The following PTPN12 variants were observed in gnomAD, a reference collection of about 807,000 sequenced individuals.
PTPN12 encodes tyrosine-protein phosphatase non-receptor type 12.
Under a neutral mutation model 97.6 loss-of-function variants are expected in PTPN12, and 29 were observed. The ratio of observed to expected loss-of-function variants is 0.30; its 90% CI spans 0.22 to 0.41. The LOEUF (loss-of-function observed/expected upper bound fraction) is 0.41. Among genes scored for constraint, PTPN12 ranks in the 10% least tolerant of loss-of-function variants. The pLI, the probability that PTPN12 is intolerant of heterozygous loss-of-function variation, is 1.00. For synonymous variants in PTPN12, 327 were observed against 300.4 expected, an observed-to-expected ratio of 1.09 and a Z score of -0.91; for missense variants, 819 against 926.0, an observed-to-expected ratio of 0.88 and a Z score of 1.50.
At chr7:77,571,543 A>G (rs767589575) in intron 2 of PTPN12, among the ~76,000 whole-genome samples, 2 of 152,212 alleles carry the variant, frequency 1.3e-5, no homozygotes, top group African/African-American at 4.8e-5. Context: ...GATTTTTCAT[A>G]TATCTATACA....
At chr7:77,600,086 A>G (rs905504295) in intron 7 of PTPN12, among the ~76,000 whole-genome samples, 8 of 152,196 alleles carry the variant, frequency 5.3e-5, no homozygotes, top group Non-Finnish European at 1.2e-4. Flanking sequence ...GACTCCCTCA[A>G]AAGGGTTGAG....
At chr7:77,549,582 G>GTT (rs561689618) in intron 1 of PTPN12, among the ~76,000 whole-genome samples, 3 of 138,584 alleles carry the variant, frequency 2.2e-5, no homozygotes, top group Non-Finnish European at 4.8e-5. Flanking sequence ...TTGTTTGTTT[G>GTT]TTTTTTTTTT....
intron 8 of PTPN12, among the ~76,000 whole-genome samples, chr7:77,603,318 G>T (rs993148262): frequency 6.6e-6 from 1 of 152,144 alleles, no homozygotes; most frequent in Non-Finnish European, 1.5e-5. Flanking sequence ...TAAATTGACC[G>T]TTAAATATTT....
chr7:77,612,040 A>T (rs1788587685), intron 11 of PTPN12, among the ~76,000 whole-genome samples: 1 of 146,628 alleles, frequency 6.8e-6, no homozygotes, highest in East Asian at 2.0e-4. Context: ...TATGATAACT[A>T]TTACATTGTT....
chr7:77,574,670 T>C (rs1787280482), intron 2 of PTPN12, among the ~76,000 whole-genome samples: 1 of 152,092 alleles, frequency 6.6e-6, no homozygotes, highest in Non-Finnish European at 1.5e-5. Context: ...AACAAAGACT[T>C]CTCGCCAAAA....
chr7:77,577,231 CT>C (rs1230674582), intron 2 of PTPN12, among the ~76,000 whole-genome samples: 1 of 152,130 alleles, frequency 6.6e-6, no homozygotes, highest in Non-Finnish European at 1.5e-5. Flanking sequence ...AGAGCCTTGG[CT>C]TTTAAATCAG....
rs755018327 is a variant in PTPN12 at position 77,627,174 on chromosome 7, A to C, written c.1495A>C (p.Ser499Arg). Residue 499 changes from serine to arginine, a missense_variant, in exon 13 of 18, where the codon AGT becomes CGT. Ser to Arg is a moderately radical substitution (Grantham distance 110). Coordinates refer to ENST00000248594, the MANE Select transcript of PTPN12 (RefSeq NM_002835.4). ...TTCCCAGAATTCTTGTGTGGACTGC[A>C]GTGTAACACAATCAAACAAAGTTTC... ...DTSQNSCVDC[S>R]VTQSNKVSVT... 29 of 1,614,216 alleles carry C rather than the reference A, an allele frequency of 1.8e-5. No individual in the cohort carries two copies. The South Asian group carries it at 3.2e-4, about 18-fold the overall frequency.
chr7:77,618,073 A>G (rs960582307), intron 11 of PTPN12, among the ~76,000 whole-genome samples: 1 of 152,098 alleles, frequency 6.6e-6, no homozygotes, highest in Non-Finnish European at 1.5e-5. Flanking sequence ...AAGATACTCC[A>G]TTACTTGGTA....
chr7:77,581,134 G>T (rs1321364774), intron 2 of PTPN12, among the ~76,000 whole-genome samples: 1 of 151,998 alleles, frequency 6.6e-6, no homozygotes, highest in Non-Finnish European at 1.5e-5. Context: ...GTGCAGTGGC[G>T]CAATCTTGGC....
intron 8 of PTPN12, among the ~76,000 whole-genome samples, chr7:77,605,963 T>C (rs969929693): frequency 1.4e-5 from 2 of 141,518 alleles, no homozygotes; most frequent in South Asian, 4.7e-4. Flanking sequence ...TTTTTTTTTT[T>C]TTTTTTTTGA....
At chr7:77,575,508 A>G (rs925981655) in intron 2 of PTPN12, among the ~76,000 whole-genome samples, 1 of 152,182 alleles carries the variant, frequency 6.6e-6, no homozygotes. Context: ...ACTGTCTCAA[A>G]AAATAAGATG....
intron 16 of PTPN12, among the ~76,000 whole-genome samples, chr7:77,637,552 A>G (rs546801644): frequency 6.6e-6 from 1 of 152,276 alleles, no homozygotes; most frequent in East Asian, 1.9e-4. Flanking sequence ...AAACAACATA[A>G]AACTTTAAAA....
intron 5 of PTPN12, among the ~76,000 whole-genome samples, chr7:77,591,684 A>G (rs1242666337): frequency 8.5e-5 from 13 of 152,142 alleles, no homozygotes; most frequent in Admixed American, 8.5e-4. Flanking sequence ...ACAGATAAAG[A>G]AACTAAAGGT....
At chr7:77,629,098 C>T (rs1455117242) in intron 13 of PTPN12, among the ~76,000 whole-genome samples, 5 of 152,038 alleles carry the variant, frequency 3.3e-5, no homozygotes, top group Admixed American at 6.6e-5. Flanking sequence ...TACAGGCATG[C>T]GCCACCATGC....
At chr7:77,625,929 G>A (rs1045930728) in intron 12 of PTPN12, among the ~76,000 whole-genome samples, 3 of 152,018 alleles carry the variant, frequency 2.0e-5, no homozygotes, top group Non-Finnish European at 2.9e-5. Flanking sequence ...CCGAACAAAG[G>A]AGTATACCCA....
intron 12 of PTPN12, among the ~76,000 whole-genome samples, chr7:77,622,223 G>A (rs553359095): frequency 2.2e-4 from 33 of 152,262 alleles, no homozygotes; most frequent in African/African-American, 7.0e-4. Flanking sequence ...CCAAAGTGCT[G>A]GGATTGCAGG....
intron 9 of PTPN12, 95 bp from the exon 10 acceptor site, chr7:77,610,670 C>A: frequency 8.0e-7 from 1 of 1,254,632 alleles, no homozygotes; most frequent in Non-Finnish European, 1.1e-6. Context: ...TGCAGTAAAC[C>A]AGCAGGTATT....
rs958720700 is a variant in PTPN12, at chr7:77,608,808, A to G, written c.762+1507A>G. On this transcript the variant is annotated intron_variant, in intron 9 of 17. Coordinates refer to ENST00000248594, the MANE Select transcript of PTPN12 (RefSeq NM_002835.4). ...TTCTCAAATGAAAATGCTTAAGTGAACAAAATTTAACTGGAATTCGATCAC... is the reference window on the plus strand; with the variant it reads ...TTCTCAAATGAAAATGCTTAAGTGAGCAAAATTTAACTGGAATTCGATCAC... 2.6e-5 allele frequency among the ~76,000 whole-genome samples: 4 copies of G among 152,356 alleles called. No individual in the cohort carries two copies. In the East Asian group the frequency reaches 5.8e-4, roughly 22 times the overall value.
At chr7:77,620,792 A>G (rs1236781269) in intron 12 of PTPN12, among the ~76,000 whole-genome samples, 2 of 152,096 alleles carry the variant, frequency 1.3e-5, no homozygotes, top group Non-Finnish European at 2.9e-5. Context: ...TACTAAAAAT[A>G]GAAAAATTAG....
Sources: allele counts gnomAD v4.1 joint callset (sites outside exome capture counted in the v4.1 genomes callset), GRCh38; gene constraint gnomAD v4.1.1; transcripts MANE v1.5; gene names NCBI Gene and HGNC (gene_info 2026-07-23, HGNC 2026-07-21).